The following SPRED1 variants were observed in gnomAD, a reference collection of about 807,000 sequenced individuals.
The protein encoded by SPRED1 is sprouty related EVH1 domain containing 1, also known as sprouty-related, EVH1 domain-containing protein 1.
In SPRED1, 18 loss-of-function variants were observed where a neutral mutation model predicts 52.3. The observed-to-expected ratio is 0.34, with a 90% CI of 0.24 to 0.51. The LOEUF (loss-of-function observed/expected upper bound fraction) is 0.51. SPRED1 is among the 20% of genes least tolerant of loss of function. The pLI, the probability that SPRED1 is intolerant of heterozygous loss-of-function variation, is 0.97. For synonymous variants in SPRED1, 155 were observed against 179.7 expected (o/e 0.86, Z 1.10); for missense variants, 485 against 551.0 (o/e 0.88, Z 1.20).
chr15:38,296,889 A>C (rs556459132), intron 1 of SPRED1, among the ~76,000 whole-genome samples: 1 of 152,306 alleles, frequency 6.6e-6, no homozygotes, highest in African/African-American at 2.4e-5. Flanking sequence ...TGAAAGTAAG[A>C]GTTCTACCTT....
rs1555390721 is a variant in SPRED1 at position 38,316,748 on chromosome 15, GT to G, written c.208-5469del. On this transcript the variant is annotated intron_variant, in intron 2 of 6. Coordinates refer to ENST00000299084, the MANE Select transcript of SPRED1 (RefSeq NM_152594.3). ...TCTAGTTTACAATTTTCCATTATAT[GT>G]TTTTTTTTTTTTTTTTTTTTTTTGG... Among the ~76,000 whole-genome samples the G allele has an allele frequency of 1.2e-3, 50 of 41,922 alleles. 2 individuals are homozygous for G. The highest frequency in any genetic ancestry group is 2.0e-3 in the Admixed American group (7 of 3,490). 27.5% of individuals were successfully genotyped at this position (41,922 alleles called of 152,430 possible).
rs1279990825 is a variant in SPRED1, at chr15:38,354,264, CTG to C, written c.*2602_*2603del. On this transcript the variant is annotated 3_prime_UTR_variant, in exon 7 of 7. Transcript: ENST00000299084. ...ACCTTCAGGAACATTTTCTCATTCT[CTG>C]TACAGATTCGGCACTGCCAATTGGC... 6.6e-6 allele frequency: 1 copy of C among 152,200 alleles called. No homozygotes were observed. The highest frequency in any genetic ancestry group is 2.4e-5 in the African/African-American group (1 of 41,442). The allele number at this position is 152,200 out of a possible 1,614,324, so 9.4% of individuals were successfully genotyped here.
chr15:38,259,394 G>A (rs1264364839), intron 1 of SPRED1, among the ~76,000 whole-genome samples: 4 of 152,168 alleles, frequency 2.6e-5, no homozygotes, highest in African/African-American at 7.2e-5. Flanking sequence ...TAGCTAGGAC[G>A]ACAGGTGTGC....
intron 2 of SPRED1, among the ~76,000 whole-genome samples, chr15:38,316,264 C>T (rs1895478094): frequency 6.6e-6 from 1 of 151,952 alleles, no homozygotes. Context: ...ACAGTATTTT[C>T]AGTTTTCTTG....
chr15:38,286,132 C>T (rs1894802443), intron 1 of SPRED1, among the ~76,000 whole-genome samples: 1 of 147,314 alleles, frequency 6.8e-6, no homozygotes, highest in African/African-American at 2.5e-5. Flanking sequence ...ATGGTCACGC[C>T]TACTGAGCTG....
Position 38,322,232 on chromosome 15 carries a change from T to G in SPRED1, c.208-9T>G, listed in dbSNP as rs1566867190. On this transcript the variant is annotated splice_polypyrimidine_tract_variant and intron_variant, in intron 2 of 6. Transcript: ENST00000299084. ...TGTATATTAATTTTTGGTATTTGGC[T>G]TTTGTCAGGTGGTTTTGGAATGTAT... 1.9e-6 allele frequency: 3 copies of G among 1,613,486 alleles called. No homozygotes were observed. In the African/African-American group the frequency reaches 4.0e-5, roughly 22 times the overall value.
At chr15:38,260,552 T>G (rs1323995888) in intron 1 of SPRED1, among the ~76,000 whole-genome samples, 1 of 152,250 alleles carries the variant, frequency 6.6e-6, no homozygotes, top group African/African-American at 2.4e-5. Flanking sequence ...TACAGCTATC[T>G]TGAAATACCA....
intron 1 of SPRED1, among the ~76,000 whole-genome samples, chr15:38,275,645 G>A (rs557564957): frequency 3.3e-5 from 5 of 152,144 alleles, no homozygotes; most frequent in Non-Finnish European, 5.9e-5. Flanking sequence ...CTACAGGTGC[G>A]CACCATCATG....
chr15:38,336,971 G>A (rs1895937314), intron 4 of SPRED1, among the ~76,000 whole-genome samples: 1 of 152,112 alleles, frequency 6.6e-6, no homozygotes, highest in Admixed American at 6.6e-5. Context: ...TAATAATTCT[G>A]AGAAAAATAC....
chr15:38,290,281 C>T (rs1894895176), intron 1 of SPRED1, among the ~76,000 whole-genome samples: 1 of 152,062 alleles, frequency 6.6e-6, no homozygotes, highest in African/African-American at 2.4e-5. Context: ...ATTAAGGAGT[C>T]ATGGGGAATG....
intron 2 of SPRED1, among the ~76,000 whole-genome samples, chr15:38,318,578 C>G (rs1455597538): frequency 6.6e-6 from 1 of 151,932 alleles, no homozygotes; most frequent in East Asian, 1.9e-4. Flanking sequence ...GAACTCTTAC[C>G]TCCCTCCTTC....
intron 3 of SPRED1, among the ~76,000 whole-genome samples, chr15:38,323,628 TA>T (rs10714123): frequency 0.82 from 124,316 of 150,842 alleles, 51,967 homozygotes; most frequent in Non-Finnish European, 0.9. Context: ...ATAAGAAACT[TA>T]AAAAAAAAAA....
chr15:38,293,290 A>T (rs558781097), intron 1 of SPRED1, among the ~76,000 whole-genome samples: 2 of 151,720 alleles, frequency 1.3e-5, no homozygotes, highest in Non-Finnish European at 2.9e-5. Context: ...AGTAGAGACA[A>T]GGTTTCACCA....
intron 2 of SPRED1, among the ~76,000 whole-genome samples, chr15:38,301,801 G>T (rs576501608): frequency 2.6e-5 from 4 of 152,072 alleles, no homozygotes; most frequent in Admixed American, 6.5e-5. Context: ...GTTCATTTCT[G>T]TAGTCATTGA....
intron 1 of SPRED1, among the ~76,000 whole-genome samples, chr15:38,269,541 CT>C (rs1894386186): frequency 6.6e-6 from 1 of 152,212 alleles, no homozygotes; most frequent in African/African-American, 2.4e-5. Context: ...GCCACCATGC[CT>C]GGCCCTTACT....
At chr15:38,324,849 T>C (rs113547130) in intron 4 of SPRED1, 40 bp downstream of exon 4, 12 of 1,534,104 alleles carry the variant, frequency 7.8e-6, no homozygotes, top group Non-Finnish European at 1.1e-5. Flanking sequence ...ACATAAAGGA[T>C]GTGGAAGAAA....
intron 1 of SPRED1, among the ~76,000 whole-genome samples, chr15:38,255,888 C>G (rs1231559173): frequency 6.6e-6 from 1 of 152,124 alleles, no homozygotes; most frequent in East Asian, 1.9e-4. Context: ...TGATTTCAAC[C>G]TTCAAGAAAA....
intron 1 of SPRED1, among the ~76,000 whole-genome samples, chr15:38,289,441 G>A (rs759097332): frequency 1.3e-5 from 2 of 150,866 alleles, no homozygotes; most frequent in Non-Finnish European, 2.9e-5. Flanking sequence ...TGCCATTTGT[G>A]GTAGACAGAA....
chr15:38,300,594 C>A (rs548580164), intron 2 of SPRED1, among the ~76,000 whole-genome samples: 2 of 152,094 alleles, frequency 1.3e-5, no homozygotes, highest in East Asian at 3.9e-4. Context: ...CCAATTTCTT[C>A]CCCACTTAAA....
Sources: gnomAD v4.1 joint callset for allele counts (sites outside exome capture counted in the v4.1 genomes callset) on GRCh38, gnomAD v4.1.1 for gene constraint, MANE v1.5 for transcripts, NCBI Gene and HGNC (gene_info 2026-07-23, HGNC 2026-07-21) for gene names.